LONP1: variants seen among roughly 807,000 people sequenced by gnomAD.
LONP1 encodes the protein lon protease homolog, mitochondrial.
Under a neutral mutation model 98.5 loss-of-function variants are expected in LONP1, and 31 were observed. The ratio of observed to expected loss-of-function variants is 0.31; its 90% confidence interval spans 0.24 to 0.42. The LOEUF is 0.42. Ranked by LOEUF, LONP1 falls within the 20% of genes least tolerant of loss-of-function variation. The pLI is 1.00. For synonymous variants in LONP1, 781 were observed against 594.7 expected, an observed-to-expected ratio of 1.31 and a Z score of -4.56; for missense variants, 1,336 against 1,350.6, an observed-to-expected ratio of 0.99 and a Z score of 0.17.
At chr19:5,707,210 G>C (rs1460650242) in intron 6 of LONP1, 67 bp from the exon 7 acceptor site, 1 of 1,316,704 alleles carries the variant, frequency 7.6e-7, no homozygotes, top group Non-Finnish European at 1.1e-6. Context: ...GGCCGAGGTT[G>C]GGGGAAAATG....
intron 8 of LONP1, among the ~76,000 whole-genome samples, chr19:5,701,128 A>G (rs1446618412): frequency 6.6e-6 from 1 of 151,954 alleles, no homozygotes. Context: ...AGCCTGAGCA[A>G]CTCAGCAAGA....
At chr19:5,710,340 C>A (rs978153721) in intron 4 of LONP1, among the ~76,000 whole-genome samples, 1 of 151,774 alleles carries the variant, frequency 6.6e-6, no homozygotes, top group Non-Finnish European at 1.5e-5. Context: ...CCGCCCACCT[C>A]GGCCTCCCAA....
At position 5,705,790 on chromosome 19, in the gene LONP1, T is replaced by C. The variant is rs781452903; in HGVS notation, c.1349A>G (p.Asn450Ser). 40 of 1,613,878 alleles carry C rather than the reference T, an allele frequency of 2.5e-5. No homozygotes were observed. Among genetic ancestry groups the C allele is most frequent in the Admixed American group, 2.0e-4 (12 of 60,006 alleles). The change falls in exon 8 of 18, where the codon AAC becomes AGC. Residue 450 changes from asparagine (N) to serine (S), a missense_variant. Physicochemically the swap from Asn to Ser is conservative, Grantham distance 46 (BLOSUM62 1). Around this residue, in one of 5 missense-constraint regions of LONP1, gnomAD observed 219 missense variants for 241.0 expected, o/e 0.91. Coordinates refer to ENST00000360614, the MANE Select transcript of LONP1 (RefSeq NM_004793.4). ...EELSKLGLLD[N>S]HSSEFNVTRN... ...CACTCACTTGAACTCCGAGGAGTGG[T>C]TGTCCAGCAGGCCCAGCTTGCTCAG...
chr19:5,695,276 C>A (rs912358730), intron 13 of LONP1, among the ~76,000 whole-genome samples: 10 of 152,096 alleles, frequency 6.6e-5, no homozygotes, highest in African/African-American at 1.2e-4. Flanking sequence ...GGGTCAGGGG[C>A]TCCAGGGTCA....
intron 10 of LONP1, among the ~76,000 whole-genome samples, chr19:5,697,793 G>A (rs1001549723): frequency 7.2e-5 from 11 of 151,892 alleles, no homozygotes; most frequent in South Asian, 6.2e-4. Context: ...GTCAGCAGAC[G>A]CCTGCCCTCC....
chr19:5,692,009 C>T lies in LONP1; in HGVS notation c.*23G>A, dbSNP rs566512630. On this transcript the variant is annotated 3_prime_UTR_variant, in exon 18 of 18. Coordinates refer to ENST00000360614, the MANE Select transcript of LONP1 (RefSeq NM_004793.4). The stretch of plus-strand genomic sequence containing the variant: ...GGCCCAGACAGGGCCTGACATCCGC[C>T]GCCTGCAGTCCCGGGGTGGCCGTCA... 26 of 988,580 alleles carry T rather than the reference C, an allele frequency of 2.6e-5. No homozygotes were observed. The highest frequency in any genetic ancestry group is 4.7e-5 in the South Asian group (3 of 64,348). The allele number at this position is 988,580 out of a possible 1,614,324, so 61.2% of individuals were successfully genotyped here.
chr19:5,694,986 T>G, intron 13 of LONP1, 85 bp from the exon 14 acceptor site: 1 of 1,466,252 alleles, frequency 6.8e-7, no homozygotes. Context: ...GCCTCTCCCA[T>G]GGCCCCCAGA....
At chr19:5,704,938 A>G (rs978479539) in intron 8 of LONP1, among the ~76,000 whole-genome samples, 1 of 152,160 alleles carries the variant, frequency 6.6e-6, no homozygotes, top group Non-Finnish European at 1.5e-5. Flanking sequence ...AGGTGGGCGG[A>G]TCCCTTGAGG....
chr19:5,710,167 T>G (rs2055215015), intron 4 of LONP1, among the ~76,000 whole-genome samples: 1 of 149,466 alleles, frequency 6.7e-6, no homozygotes, highest in Admixed American at 6.8e-5. Flanking sequence ...CACCGCAACC[T>G]CTGCCTCCCA....
intron 1 of LONP1, among the ~76,000 whole-genome samples, chr19:5,716,210 T>A (rs1456399293): frequency 1.4e-5 from 2 of 146,410 alleles, no homozygotes; most frequent in Admixed American, 7.0e-5. Flanking sequence ...CATCTCTATT[T>A]TCTTTTTGAA....
rs376133987 is a variant in LONP1, at chr19:5,708,327, C to T, written c.932+15G>A. On this transcript the variant is annotated intron_variant, in intron 5 of 17. Coordinates refer to ENST00000360614, the MANE Select transcript of LONP1 (RefSeq NM_004793.4). ...AGATGCCCCCGCCTGGCCAGCTGCC[C>T]GCACAGAGGCCCACCTGTAGAGAGG... The T allele has an allele frequency of 1.5e-5, 23 of 1,565,858 alleles. No individual in the cohort carries two copies. The highest frequency in any genetic ancestry group is 7.2e-5 in the African/African-American group (5 of 68,972).
rs150636610 is a variant in LONP1 at position 5,699,659 on chromosome 19, G to A, written c.1507-454C>T. On this transcript the variant is annotated intron_variant, in intron 9 of 17. Coordinates refer to ENST00000360614, the MANE Select transcript of LONP1 (RefSeq NM_004793.4). ...TGCAACCTCAGCCTCCTGGGTTCAA[G>A]CAATTCTCCTGCCTCAGCCTCCTGA... 6.4e-4 allele frequency among the ~76,000 whole-genome samples: 95 copies of A among 148,564 alleles called. No individual in the cohort carries two copies. In the East Asian group the frequency reaches 0.017, roughly 26 times the overall value.
chr19:5,694,362 G>C, intron 15 of LONP1, 25 bp downstream of exon 15: 6 of 1,608,334 alleles, frequency 3.7e-6, no homozygotes, highest in Non-Finnish European at 5.1e-6. Context: ...ATGGCTTTGG[G>C]GTCTTCTCCC....
intron 6 of LONP1, among the ~76,000 whole-genome samples, chr19:5,707,391 A>G (rs1481110698): frequency 6.6e-6 from 1 of 152,208 alleles, no homozygotes; most frequent in Non-Finnish European, 1.5e-5. Context: ...TCACAACAGC[A>G]AAAGACTGGC....
Position 5,694,424 on chromosome 19 carries a change from C to T in LONP1, c.2283G>A (p.Pro761=), listed in dbSNP as rs764334025. 3.8e-5 allele frequency: 62 copies of T among 1,613,360 alleles called. No individual in the cohort carries two copies. Among genetic ancestry groups the T allele is most frequent in the African/African-American group, 9.3e-5 (7 of 74,920 alleles). Residue 761 remains proline (P), a synonymous_variant, in exon 15 of 18, where the codon CCG becomes CCA. Coordinates refer to ENST00000360614, the MANE Select transcript of LONP1 (RefSeq NM_004793.4). ...AGGCCAGCCCCATGACCACGCCGGG[C>T]GGTGTCACGTCATACATGCGCTCCA... ...FTVERMYDVT[P]PGVVMGLAWT...
intron 3 of LONP1, chr19:5,712,466 C>T (rs1444347099): frequency 1.7e-5 from 3 of 180,572 alleles, no homozygotes; most frequent in Admixed American, 5.6e-5. Flanking sequence ...TACCCACCTC[C>T]ACCTCTCACG....
At chr19:5,718,050 C>A (rs1385070831) in intron 1 of LONP1, among the ~76,000 whole-genome samples, 1 of 152,032 alleles carries the variant, frequency 6.6e-6, no homozygotes, top group Non-Finnish European at 1.5e-5. Context: ...TCTAATAAGA[C>A]ACTAATATGT....
rs1035723000 is a variant in LONP1 at position 5,696,568 on chromosome 19, G to C, written c.1773+102C>G. ...CCATCAGGGCCAGCATCACGGCGATGGCCCCTGAGTTGGCTCGGGGATCCT... is the reference window on the plus strand; with the variant it reads ...CCATCAGGGCCAGCATCACGGCGATCGCCCCTGAGTTGGCTCGGGGATCCT... On this transcript the variant is annotated intron_variant, in intron 11 of 17. Coordinates refer to ENST00000360614, the MANE Select transcript of LONP1 (RefSeq NM_004793.4). The C allele has an allele frequency of 2.3e-6, 3 of 1,328,420 alleles. No homozygotes were observed. In the African/African-American group the frequency reaches 4.3e-5, roughly 19 times the overall value. The allele number at this position is 1,328,420 out of a possible 1,614,324, so 82.3% of individuals were successfully genotyped here. A position where few individuals can be genotyped will look rare whatever the true frequency, so the allele number is the denominator to read the frequency against.
At chr19:5,695,987 T>G in intron 13 of LONP1, 67 bp downstream of exon 13, 2 of 1,431,222 alleles carry the variant, frequency 1.4e-6, no homozygotes, top group African/African-American at 1.4e-5. Flanking sequence ...AGGCACGGCC[T>G]CTGCAGGCTC....
Sources: gnomAD v4.1 joint callset for allele counts (sites outside exome capture counted in the v4.1 genomes callset) on GRCh38, gnomAD v4.1.1 for gene constraint, gnomAD v4.1.1 regional missense constraint, MANE v1.5 for transcripts, NCBI Gene and HGNC (gene_info 2026-07-23, HGNC 2026-07-21) for gene names.